Variants in RORB observed in about 807,000 individuals in gnomAD.
RORB encodes the protein RAR related orphan receptor B.
In RORB, 6 loss-of-function variants were observed where a neutral mutation model predicts 59.1. The observed-to-expected ratio is 0.10, with a 90% CI of 0.06 to 0.20. RORB has a LOEUF of 0.20. Ranked by LOEUF, RORB falls within the 10% of genes least tolerant of loss-of-function variation. RORB has a pLI of 1.00. For synonymous variants in RORB, 215 were observed against 204.5 expected (o/e 1.05, Z -0.44); for missense variants, 320 against 560.5 (o/e 0.57, Z 4.33).
In RORB at chr9:74,532,761, C is replaced by T. The variant is rs188502711; in HGVS notation, c.7+34778C>T. 3.0e-4 allele frequency among the ~76,000 whole-genome samples: 43 copies of T among 145,560 alleles called. No homozygotes were observed. The East Asian group carries it at 8.5e-3, about 29-fold the overall frequency. ...TATACATATACATTTTTTCTATATA[C>T]ACACGTGTATGTGTATGTGTGTATA... is the stretch of plus-strand genomic sequence containing the variant. On this transcript the variant is annotated intron_variant, in intron 1 of 9. Transcript: ENST00000376896.
intron 2 of RORB, among the ~76,000 whole-genome samples, chr9:74,630,593 G>A (rs1823600255): frequency 1.3e-5 from 2 of 152,106 alleles, no homozygotes; most frequent in Admixed American, 6.6e-5. Context: ...AAATGGATGC[G>A]TATTTAAAAC....
At chr9:74,606,996 A>G (rs898760341) in intron 1 of RORB, among the ~76,000 whole-genome samples, 2 of 152,212 alleles carry the variant, frequency 1.3e-5, no homozygotes, top group Non-Finnish European at 2.9e-5. Flanking sequence ...CTTTTGGTAG[A>G]AAATTCTGAG....
chr9:74,612,544 T>G (rs185172848), intron 1 of RORB, among the ~76,000 whole-genome samples: 287 of 152,322 alleles, frequency 1.9e-3, no homozygotes, highest in South Asian at 6.8e-3. Flanking sequence ...TGTCTCCAAC[T>G]CTGCCCTTTG....
intron 1 of RORB, among the ~76,000 whole-genome samples, chr9:74,541,968 A>G (rs1449182409): frequency 1.3e-5 from 2 of 152,208 alleles, no homozygotes; most frequent in African/African-American, 4.8e-5. Context: ...TTCAGCCCAA[A>G]TTTATACTAC....
intron 1 of RORB, among the ~76,000 whole-genome samples, chr9:74,593,140 A>G (rs1822924308): frequency 6.6e-6 from 1 of 152,174 alleles, no homozygotes. Context: ...ACTGATTGCA[A>G]GTCAGGCACC....
chr9:74,623,437 C>T (rs1218864462), intron 1 of RORB, among the ~76,000 whole-genome samples: 1 of 38,858 alleles, frequency 2.6e-5, no homozygotes, highest in Non-Finnish European at 7.3e-5. Flanking sequence ...AGAGTTTTCT[C>T]TCTCTTTTTT....
At chr9:74,646,806 C>T (rs1189985140) in intron 4 of RORB, among the ~76,000 whole-genome samples, 1 of 152,146 alleles carries the variant, frequency 6.6e-6, no homozygotes, top group Non-Finnish European at 1.5e-5. Flanking sequence ...CCCTCACCAT[C>T]TAGGAGATAC....
At chr9:74,633,821 T>C (rs774916549) in intron 2 of RORB, among the ~76,000 whole-genome samples, 3 of 152,178 alleles carry the variant, frequency 2.0e-5, no homozygotes, top group Non-Finnish European at 4.4e-5. Context: ...GTAGAGACCA[T>C]TCATTCAGTT....
chr9:74,632,889 T>C (rs565675752), intron 2 of RORB, among the ~76,000 whole-genome samples: 6 of 152,320 alleles, frequency 3.9e-5, no homozygotes, highest in Non-Finnish European at 7.4e-5. Context: ...CATTCTAAGA[T>C]GCTCCATGAA....
At position 74,543,018 on chromosome 9, in the gene RORB, C is replaced by A. The variant is rs113307313; in HGVS notation, c.7+45035C>A. ...GCTGTAGCATATATAAAATGCCCAG[C>A]ATACTGCCTGGCATATTTTAGGTAC... On this transcript the variant is annotated intron_variant, in intron 1 of 9. Transcript: ENST00000376896. Among the ~76,000 whole-genome samples the A allele has an allele frequency of 1.9e-3, 285 of 152,318 alleles. 1 individual carries two copies. The highest frequency in any genetic ancestry group is 6.4e-3 in the African/African-American group (264 of 41,566).
At chr9:74,599,286 T>C (rs1281114122) in intron 1 of RORB, among the ~76,000 whole-genome samples, 1 of 152,096 alleles carries the variant, frequency 6.6e-6, no homozygotes, top group Admixed American at 6.5e-5. Flanking sequence ...AGCAAGACAT[T>C]GGACTCCCAA....
At chr9:74,554,777 T>C (rs973204236) in intron 1 of RORB, among the ~76,000 whole-genome samples, 2 of 152,190 alleles carry the variant, frequency 1.3e-5, no homozygotes, top group African/African-American at 4.8e-5. Context: ...GCCACAGCAG[T>C]GTGCCCCCTG....
At chr9:74,522,020 T>C (rs1382474776) in intron 1 of RORB, among the ~76,000 whole-genome samples, 2 of 151,850 alleles carry the variant, frequency 1.3e-5, no homozygotes, top group East Asian at 3.9e-4. Flanking sequence ...TTTTGTTTTC[T>C]GTTGTCACAC....
At chr9:74,509,405 G>T (rs1371991587) in intron 1 of RORB, among the ~76,000 whole-genome samples, 1 of 151,766 alleles carries the variant, frequency 6.6e-6, no homozygotes, top group Non-Finnish European at 1.5e-5. Context: ...TGAAAAAATT[G>T]CATATTTATG....
At chr9:74,653,804 G>A (rs1563965191) in intron 4 of RORB, among the ~76,000 whole-genome samples, 1 of 151,460 alleles carries the variant, frequency 6.6e-6, no homozygotes, top group Non-Finnish European at 1.5e-5. Flanking sequence ...TTGCTGAAAT[G>A]TCTATCTAGT....
intron 9 of RORB, among the ~76,000 whole-genome samples, chr9:74,678,087 C>A (rs1824475647): frequency 6.6e-6 from 1 of 152,162 alleles, no homozygotes; most frequent in Admixed American, 6.6e-5. Context: ...ATGGGCCAGG[C>A]ACTGTGCTGA....
intron 1 of RORB, among the ~76,000 whole-genome samples, chr9:74,558,791 G>A (rs1350445360): frequency 6.6e-6 from 1 of 152,080 alleles, no homozygotes. Context: ...TGCAAGCCCC[G>A]CTTGTGTTCA....
intron 5 of RORB, among the ~76,000 whole-genome samples, chr9:74,662,256 G>C (rs892560902): frequency 6.6e-6 from 1 of 152,082 alleles, no homozygotes; most frequent in Non-Finnish European, 1.5e-5. Flanking sequence ...TTTAGCCTCA[G>C]TACTTTGATC....
At chr9:74,645,802 T>G (rs1736022513) in intron 4 of RORB, among the ~76,000 whole-genome samples, 1 of 152,130 alleles carries the variant, frequency 6.6e-6, no homozygotes, top group Admixed American at 6.5e-5. Flanking sequence ...CAAAGAACAC[T>G]TATAAGCCCA....
Sources: gnomAD v4.1 joint callset for allele counts (sites outside exome capture counted in the v4.1 genomes callset) on GRCh38, gnomAD v4.1.1 for gene constraint, MANE v1.5 for transcripts, NCBI Gene and HGNC (gene_info 2026-07-23, HGNC 2026-07-21) for gene names.